Variants in SAMD3 observed in about 807,000 individuals in gnomAD.
The protein encoded by SAMD3 is sterile alpha motif domain containing 3.
Under a neutral mutation model 58.5 loss-of-function variants are expected in SAMD3, and 63 were observed. The ratio of observed to expected loss-of-function variants is 1.08; its 90% CI spans 0.88 to 1.33. The LOEUF is 1.33. Ranked by LOEUF, SAMD3 falls within the 40% of genes most tolerant of loss-of-function variation. SAMD3 has a pLI of 0.00. For synonymous variants in SAMD3, 220 were observed against 210.3 expected (o/e 1.05, Z -0.40); for missense variants, 604 against 608.4 (o/e 0.99, Z 0.08).
intron 2 of SAMD3, among the ~76,000 whole-genome samples, chr6:130,282,780 A>C (rs1775025535): frequency 6.6e-6 from 1 of 152,204 alleles, no homozygotes; most frequent in African/African-American, 2.4e-5. Flanking sequence ...CAAAATAATA[A>C]CTTCTCACAA....
At chr6:130,359,881 G>C (rs1014747997) in intron 1 of SAMD3, among the ~76,000 whole-genome samples, 1 of 152,086 alleles carries the variant, frequency 6.6e-6, no homozygotes, top group Admixed American at 6.5e-5. Context: ...AATCACTTGG[G>C]ACCTGTAAAG....
chr6:130,342,480 T>A (rs1777303123), intron 1 of SAMD3, among the ~76,000 whole-genome samples: 1 of 152,220 alleles, frequency 6.6e-6, no homozygotes, highest in Non-Finnish European at 1.5e-5. Flanking sequence ...ATCACATTTA[T>A]AATTAATTAA....
chr6:130,247,238 G>A (rs1013286091), intron 2 of SAMD3, among the ~76,000 whole-genome samples: 4 of 152,188 alleles, frequency 2.6e-5, no homozygotes, highest in African/African-American at 9.7e-5. Flanking sequence ...GAGAGGCCGA[G>A]GCGGGCGGAT....
Position 130,252,476 on chromosome 6 carries a change from A to C in SAMD3, c.-187-29663T>G, listed in dbSNP as rs78391507. ...GTTTAATTACAGAGAGAGAAAAAGA[A>C]AGAGTAAACCAAGTAGCTGCAAATA... On this transcript the variant is annotated intron_variant, in intron 2 of 13. Coordinates refer to the SAMD3 transcript ENST00000368134. Among the ~76,000 whole-genome samples the C allele has an allele frequency of 3.5e-3, 533 of 152,332 alleles. 5 individuals carry two copies. Among genetic ancestry groups the C allele is most frequent in the African/African-American group, 0.012 (508 of 41,566 alleles).
chr6:130,206,765 T>C (rs1346262750), intron 5 of SAMD3, among the ~76,000 whole-genome samples: 1 of 152,158 alleles, frequency 6.6e-6, no homozygotes, highest in African/African-American at 2.4e-5. Context: ...TTTCTCTCAA[T>C]TTCTTAGCCA....
At chr6:130,151,558 C>T (rs960275194) in intron 9 of SAMD3, among the ~76,000 whole-genome samples, 8 of 152,182 alleles carry the variant, frequency 5.3e-5, no homozygotes, top group Admixed American at 3.9e-4. Flanking sequence ...TCTCCTGCCT[C>T]AGCCTCCTTA....
chr6:130,206,677 A>G (rs1194674863), intron 5 of SAMD3, among the ~76,000 whole-genome samples: 2 of 152,202 alleles, frequency 1.3e-5, no homozygotes, highest in Non-Finnish European at 2.9e-5. Flanking sequence ...GTAAACAGAT[A>G]AGTAAAGGGC....
intron 2 of SAMD3, among the ~76,000 whole-genome samples, chr6:130,311,299 A>G (rs1250643605): frequency 6.6e-6 from 1 of 152,224 alleles, no homozygotes. Flanking sequence ...ACATTTTATG[A>G]AAGAGGCATT....
intron 4 of SAMD3, among the ~76,000 whole-genome samples, chr6:130,211,276 A>ATT (rs762531402): frequency 1.5e-4 from 14 of 93,832 alleles, no homozygotes; most frequent in East Asian, 7.2e-4. Context: ...GCCAATCAGA[A>ATT]TTTTTTTTTT....
chr6:130,302,212 A>G (rs1388259428), intron 2 of SAMD3, among the ~76,000 whole-genome samples: 1 of 152,192 alleles, frequency 6.6e-6, no homozygotes, highest in Non-Finnish European at 1.5e-5. Context: ...ACAAAGGACT[A>G]ATATCCAGAA....
chr6:130,262,934 A>G (rs9492512), intron 2 of SAMD3, among the ~76,000 whole-genome samples: 5,255 of 152,300 alleles, frequency 0.035, 92 homozygotes, highest in Non-Finnish European at 0.04. Flanking sequence ...GTTTTCCTTA[A>G]AACACAAACC....
intron 1 of SAMD3, among the ~76,000 whole-genome samples, chr6:130,217,478 T>C (rs1367859412): frequency 6.6e-6 from 1 of 152,252 alleles, no homozygotes; most frequent in Admixed American, 6.5e-5. Context: ...ATTATTTGAT[T>C]GAATTATAAA....
At chr6:130,340,512 TG>T (rs1343160445) in intron 1 of SAMD3, among the ~76,000 whole-genome samples, 1 of 152,240 alleles carries the variant, frequency 6.6e-6, no homozygotes, top group Non-Finnish European at 1.5e-5. Context: ...CATCTACAGT[TG>T]TAATTCCCCA....
At chr6:130,241,840 G>C (rs1298990935) in intron 2 of SAMD3, among the ~76,000 whole-genome samples, 1 of 151,602 alleles carries the variant, frequency 6.6e-6, no homozygotes, top group Non-Finnish European at 1.5e-5. Flanking sequence ...TTTTTTGAAA[G>C]AGGGCATACC....
chr6:130,287,355 C>G (rs1031077591), intron 2 of SAMD3, among the ~76,000 whole-genome samples: 1 of 152,144 alleles, frequency 6.6e-6, no homozygotes, highest in African/African-American at 2.4e-5. Context: ...TAGTGCCTAG[C>G]ATTCTTGCAT....
chr6:130,312,385 G>A lies in SAMD3; in HGVS notation c.-188+593C>T, dbSNP rs560454274. The stretch of plus-strand genomic sequence containing the variant: ...ATGCATTGATTCCTGAATCATGCTT[G>A]CTCACCGTACCGTTACACGGTGCTC... On this transcript the variant is annotated intron_variant, in intron 2 of 13. Transcript: ENST00000368134. 5.9e-5 allele frequency among the ~76,000 whole-genome samples: 9 copies of A among 152,342 alleles called. No homozygotes were observed. In the East Asian group the frequency reaches 1.7e-3, roughly 29 times the overall value.
chr6:130,250,483 T>A (rs549238572), intron 2 of SAMD3, among the ~76,000 whole-genome samples: 1 of 152,264 alleles, frequency 6.6e-6, no homozygotes, highest in African/African-American at 2.4e-5. Flanking sequence ...GTATATTGAT[T>A]TTTAGTATAT....
chr6:130,176,699 G>A (rs1489085921), intron 7 of SAMD3, among the ~76,000 whole-genome samples: 1 of 152,170 alleles, frequency 6.6e-6, no homozygotes, highest in Non-Finnish European at 1.5e-5. Context: ...TCTAAACTGC[G>A]GCTTAGGTCT....
At chr6:130,246,240 A>G (rs1009557875) in intron 2 of SAMD3, among the ~76,000 whole-genome samples, 16 of 152,360 alleles carry the variant, frequency 1.1e-4, no homozygotes, top group South Asian at 2.1e-4. Context: ...ACCTTGTTTT[A>G]TAGATTTAAC....
Sources: gnomAD v4.1 joint callset for allele counts (sites outside exome capture counted in the v4.1 genomes callset) on GRCh38, gnomAD v4.1.1 for gene constraint, MANE v1.5 for transcripts, NCBI Gene and HGNC (gene_info 2026-07-23, HGNC 2026-07-21) for gene names.